ZNF362: variants seen among roughly 807,000 people sequenced by gnomAD.
The protein encoded by ZNF362 is zinc finger protein 362.
ZNF362 carries 11 observed loss-of-function variants against 42.9 expected under a neutral mutation model. That is an observed-to-expected ratio of 0.26 (90% CI 0.16 to 0.42). The LOEUF (loss-of-function observed/expected upper bound fraction) is 0.42. Ranked by LOEUF, ZNF362 falls within the 20% of genes least tolerant of loss-of-function variation. ZNF362 has a pLI of 1.00. For synonymous variants in ZNF362, 255 were observed against 257.3 expected (o/e 0.99, Z 0.09); for missense variants, 362 against 576.2 (o/e 0.63, Z 3.81).
At chr1:33,222,051 C>T in the ZNF362 span, among the ~76,000 whole-genome samples, 1 of 151,968 alleles carries the variant, frequency 6.6e-6, no homozygotes, top group Non-Finnish European at 1.5e-5. Context: ...GTTACGGTGC[C>T]CAGTATAGGT....
In ZNF362 at chr1:33,299,309, T is replaced by G; in HGVS notation, c.*263T>G. The G allele has an allele frequency of 2.0e-5, 6 of 307,000 alleles. No homozygotes were observed. Among genetic ancestry groups the G allele is most frequent in the African/African-American group, 2.3e-5 (1 of 43,868 alleles). The allele number at this position is 307,000 out of a possible 1,614,324, so 19.0% of individuals were successfully genotyped here. A position where few individuals can be genotyped will look rare whatever the true frequency, so the allele number is the denominator to read the frequency against. The stretch of plus-strand genomic sequence containing the variant: ...ACCTCTCTGTTGAGTTTTCTTTTTG[T>G]TCCCCACCCTTCACTTGCTTCACTG... On this transcript the variant is annotated 3_prime_UTR_variant, in exon 9 of 9. Transcript: ENST00000539719.
chr1:33,238,381 T>TAAAATAAATA, the ZNF362 span, among the ~76,000 whole-genome samples: 16 of 105,530 alleles, frequency 1.5e-4, no homozygotes, highest in South Asian at 9.3e-4. Flanking sequence ...TAAAATAAAA[T>TAAAATAAATA]AAATAAAATA....
the ZNF362 span, among the ~76,000 whole-genome samples, chr1:33,233,111 T>A: frequency 6.6e-6 from 1 of 152,238 alleles, no homozygotes; most frequent in Non-Finnish European, 1.5e-5. Flanking sequence ...CATTCAGTAC[T>A]CTTCAGGCTC....
the ZNF362 span, among the ~76,000 whole-genome samples, chr1:33,238,407 A>AAAT: frequency 8.6e-5 from 13 of 150,360 alleles, no homozygotes; most frequent in African/African-American, 3.2e-4. Flanking sequence ...AAATAAAATA[A>AAAT]AAAAAGAGAT....
At chr1:33,208,943 G>A in the ZNF362 span, among the ~76,000 whole-genome samples, 1 of 152,154 alleles carries the variant, frequency 6.6e-6, no homozygotes, top group South Asian at 2.1e-4. Flanking sequence ...GCCCTGGCCA[G>A]AACTTCCAAT....
chr1:33,165,490 C>T, the ZNF362 span: 4 of 1,607,308 alleles, frequency 2.5e-6, no homozygotes, highest in Non-Finnish European at 1.7e-6. This position sits in a 1 kb window ranked among gnomAD's most constrained non-coding sequence, Gnocchi z 4.0. Flanking sequence ...CGCCAGTTGT[C>T]GCTTGAGCAG....
the ZNF362 span, among the ~76,000 whole-genome samples, chr1:33,153,394 G>C: frequency 6.6e-6 from 1 of 152,220 alleles, no homozygotes; most frequent in South Asian, 2.1e-4. Flanking sequence ...CTAGAGCAGT[G>C]GTTCTCAACT....
At chr1:33,270,703 G>A in intron 2 of ZNF362, 91 bp downstream of exon 2, 2 of 1,561,226 alleles carry the variant, frequency 1.3e-6, no homozygotes, top group Non-Finnish European at 1.7e-6. Context: ...CCTTCCCTGA[G>A]TGCCCCCGCT....
chr1:33,189,161 A>C, the ZNF362 span, among the ~76,000 whole-genome samples: 1 of 152,320 alleles, frequency 6.6e-6, no homozygotes, highest in East Asian at 1.9e-4. Context: ...TAGTGCAGTA[A>C]GAGTGCACTT....
At chr1:33,181,358 G>T in the ZNF362 span, 1 of 1,594,642 alleles carries the variant, frequency 6.3e-7, no homozygotes, top group South Asian at 1.1e-5. The surrounding 1 kb of genome is among the most constrained non-coding windows in gnomAD (Gnocchi z 6.5). Flanking sequence ...AATGCTCGCA[G>T]CCCAGGCTCA....
At chr1:33,167,992 C>CA in the ZNF362 span, among the ~76,000 whole-genome samples, 40 of 152,158 alleles carry the variant, frequency 2.6e-4, no homozygotes, top group Non-Finnish European at 4.6e-4. The surrounding 1 kb of genome is among the most constrained non-coding windows in gnomAD (Gnocchi z 4.2). Context: ...GTGGGGAAGA[C>CA]AGACAACAAA....
At chr1:33,172,639 T>G in the ZNF362 span, among the ~76,000 whole-genome samples, 4 of 152,158 alleles carry the variant, frequency 2.6e-5, no homozygotes, top group Non-Finnish European at 5.9e-5. Context: ...CACACAGTTA[T>G]GCAAATATGC....
chr1:33,158,335 T>C, the ZNF362 span: 1 of 1,613,894 alleles, frequency 6.2e-7, no homozygotes, highest in African/African-American at 1.3e-5. Context: ...AGTCTTCATA[T>C]GTGAGGTTGG....
At chr1:33,158,599 T>C in the ZNF362 span, among the ~76,000 whole-genome samples, 2 of 152,256 alleles carry the variant, frequency 1.3e-5, no homozygotes, top group African/African-American at 2.4e-5. Flanking sequence ...TCTAGGCTTT[T>C]TGTGAGAATT....
At chr1:33,202,532 G>A in the ZNF362 span, among the ~76,000 whole-genome samples, 1 of 151,662 alleles carries the variant, frequency 6.6e-6, no homozygotes, top group Non-Finnish European at 1.5e-5. Flanking sequence ...CGGGAGGCGG[G>A]GCTTGCAGTG....
intron 2 of ZNF362, chr1:33,275,252 C>T: frequency 1.0e-6 from 1 of 985,390 alleles, no homozygotes; most frequent in Non-Finnish European, 1.2e-6. Context: ...ACTGAGATAG[C>T]CCTGAAGGCC....
the ZNF362 span, among the ~76,000 whole-genome samples, chr1:33,149,606 C>G: frequency 6.6e-6 from 1 of 151,416 alleles, no homozygotes. Flanking sequence ...AGGCATGCAT[C>G]ACTATGCGCA....
the ZNF362 span, chr1:33,165,027 AG>A: frequency 6.5e-6 from 1 of 153,020 alleles, no homozygotes; most frequent in African/African-American, 2.4e-5. This position sits in a 1 kb window ranked among gnomAD's most constrained non-coding sequence, Gnocchi z 4.0. Flanking sequence ...CCTGGGCTCA[AG>A]CCATCATCTT....
chr1:33,214,149 C>CT, the ZNF362 span, among the ~76,000 whole-genome samples: 1 of 152,114 alleles, frequency 6.6e-6, no homozygotes, highest in Admixed American at 6.5e-5. Context: ...CATGGGAAAA[C>CT]ATACAGGAAT....
Sources: allele counts gnomAD v4.1 joint callset (sites outside exome capture counted in the v4.1 genomes callset), GRCh38; gene constraint gnomAD v4.1.1; non-coding constraint Gnocchi (gnomAD v3.1); transcripts MANE v1.5; gene names NCBI Gene and HGNC (gene_info 2026-07-23, HGNC 2026-07-21).